Variants in ATP8B1 observed in about 807,000 individuals in gnomAD.
ATP8B1 encodes the protein phospholipid-transporting ATPase IC.
A neutral mutation model predicts 149.9 loss-of-function variants in ATP8B1; 80 were observed. The ratio of observed to expected loss-of-function variants is 0.53; its 90% CI spans 0.45 to 0.64. The LOEUF (loss-of-function observed/expected upper bound fraction) is 0.64. Ranked by LOEUF, ATP8B1 falls within the 30% of genes least tolerant of loss-of-function variation. The pLI, the probability that ATP8B1 is intolerant of heterozygous loss-of-function variation, is 0.00. For synonymous variants in ATP8B1, 536 were observed against 562.8 expected (o/e 0.95, Z 0.67); for missense variants, 1,247 against 1,552.6 (o/e 0.80, Z 3.31).
intron 1 of ATP8B1, among the ~76,000 whole-genome samples, chr18:57,759,015 G>T (rs1220801168): frequency 6.6e-6 from 1 of 151,784 alleles, no homozygotes; most frequent in Non-Finnish European, 1.5e-5. Context: ...AATTATCCGG[G>T]CGTGGTGGCA....
chr18:57,713,459 G>C (rs1913835105), intron 2 of ATP8B1, among the ~76,000 whole-genome samples: 2 of 145,938 alleles, frequency 1.4e-5, no homozygotes, highest in Admixed American at 1.4e-4. Context: ...ACCATGCCCA[G>C]CTAATTTTTA....
At chr18:57,688,084 T>C (rs752524329) in intron 13 of ATP8B1, among the ~76,000 whole-genome samples, 1 of 152,072 alleles carries the variant, frequency 6.6e-6, no homozygotes, top group Admixed American at 6.6e-5. Context: ...CGCCTGGCTG[T>C]GAGCCCACTT....
rs200178535 is a variant in ATP8B1, at chr18:57,669,312, A to G, written c.2097+6T>C. On this transcript the variant is annotated splice_donor_region_variant and intron_variant, in intron 18 of 27. Transcript: ENST00000648908. Reference sequence around the variant, plus strand: ...CAAAGAAAAAGTTATTAAGGCTAAAACTCACAATTAAGTCTTTTTCAATCT... The same window carrying G: ...CAAAGAAAAAGTTATTAAGGCTAAAGCTCACAATTAAGTCTTTTTCAATCT... 1.3e-6 allele frequency: 2 copies of G among 1,594,676 alleles called. No homozygotes were observed. The highest frequency in any genetic ancestry group is 4.5e-5 in the East Asian group (2 of 44,664).
chr18:57,801,446 C>A (rs2080573373), intron 1 of ATP8B1, among the ~76,000 whole-genome samples: 1 of 152,224 alleles, frequency 6.6e-6, no homozygotes, highest in South Asian at 2.1e-4. Flanking sequence ...TGTGCACAGT[C>A]TGCGCATTTA....
rs2122526629 is a variant in ATP8B1, at chr18:57,648,665, T to A, written c.3579A>T (p.Arg1193=). ...CGCCCCGGCGGAACACCTGCTGCCG[T>A]CGCTGCCACTGCTCCTCCGCCTTCA... ...KRLKAEEQWQ[R]RQQVFRRGVS... is the part of the protein sequence containing the mutation. Residue 1193 remains arginine, a synonymous_variant, in exon 28 of 28, where the codon CGA becomes CGT. Transcript: ENST00000648908. The A allele has an allele frequency of 6.4e-7, 1 of 1,573,724 alleles. No homozygotes were observed. Among genetic ancestry groups the A allele is most frequent in the Admixed American group, 1.9e-5 (1 of 53,624 alleles).
chr18:57,708,233 T>G (rs963458618), intron 2 of ATP8B1, among the ~76,000 whole-genome samples: 1 of 152,026 alleles, frequency 6.6e-6, no homozygotes, highest in South Asian at 2.1e-4. Context: ...ATTGCTTTTT[T>G]AAAGCCACAA....
intron 2 of ATP8B1, among the ~76,000 whole-genome samples, chr18:57,711,708 C>A (rs1445476360): frequency 6.6e-6 from 1 of 152,168 alleles, no homozygotes; most frequent in Non-Finnish European, 1.5e-5. Context: ...ATCCTCCCAC[C>A]TCAACTTCTG....
At chr18:57,740,333 G>C (rs1375679835) in intron 1 of ATP8B1, among the ~76,000 whole-genome samples, 1 of 151,394 alleles carries the variant, frequency 6.6e-6, no homozygotes, top group Non-Finnish European at 1.5e-5. Flanking sequence ...TCCTCATTTT[G>C]TTTATTATTA....
intron 15 of ATP8B1, among the ~76,000 whole-genome samples, chr18:57,675,280 C>T (rs549444227): frequency 6.6e-6 from 1 of 152,166 alleles, no homozygotes; most frequent in African/African-American, 2.4e-5. Flanking sequence ...ATCCCACCAT[C>T]CACAGGAGAA....
At chr18:57,771,577 T>C (rs373469062) in intron 1 of ATP8B1, among the ~76,000 whole-genome samples, 38 of 151,926 alleles carry the variant, frequency 2.5e-4, no homozygotes, top group East Asian at 2.3e-3. Flanking sequence ...AAAGGCAGAG[T>C]TTTCTGTTAA....
chr18:57,664,523 G>GAAAAAAAAAAAAAAAA (rs1910739684), intron 20 of ATP8B1, among the ~76,000 whole-genome samples: 1 of 138,754 alleles, frequency 7.2e-6, no homozygotes, highest in African/African-American at 2.6e-5. Context: ...AAAAAAAAAG[G>GAAAAAAAAAAAAAAAA]AAAGGCAATC....
At chr18:57,670,061 T>A (rs1911132535) in intron 17 of ATP8B1, among the ~76,000 whole-genome samples, 1 of 152,152 alleles carries the variant, frequency 6.6e-6, no homozygotes, top group Admixed American at 6.5e-5. Context: ...ACCTTTCTCA[T>A]TTTCTCATTT....
At chr18:57,652,429 A>C (rs1909682990) in intron 25 of ATP8B1, 55 bp downstream of exon 25, 4 of 1,610,738 alleles carry the variant, frequency 2.5e-6, no homozygotes, top group Non-Finnish European at 2.5e-6. Context: ...CCCTATATAC[A>C]GAAATATAAG....
chr18:57,790,560 G>A (rs1456014787), intron 1 of ATP8B1, among the ~76,000 whole-genome samples: 1 of 152,040 alleles, frequency 6.6e-6, no homozygotes, highest in Non-Finnish European at 1.5e-5. Flanking sequence ...CTTTGCACAT[G>A]CGGTTCCCAT....
Position 57,802,488 on chromosome 18 carries a change from C to T in ATP8B1, c.-26+510G>A, listed in dbSNP as rs765866741. 9.9e-5 allele frequency among the ~76,000 whole-genome samples: 15 copies of T among 152,220 alleles called. No individual in the cohort carries two copies. Among genetic ancestry groups the T allele is most frequent in the Non-Finnish European group, 1.9e-4 (13 of 68,050 alleles). ...GGAGAGCGATCTCACCCCCTCCATC[C>T]CTCCCGGCAGGTGGGCCGCGGTCAG... On this transcript the variant is annotated intron_variant, in intron 1 of 27. Transcript: ENST00000648908. The surrounding 1 kb of genome is among the most constrained non-coding windows in gnomAD (Gnocchi z 4.9).
At chr18:57,674,130 C>T (rs970416864) in intron 16 of ATP8B1, among the ~76,000 whole-genome samples, 1 of 151,350 alleles carries the variant, frequency 6.6e-6, no homozygotes, top group African/African-American at 2.4e-5. Context: ...GCTGTAATCC[C>T]AGCTACTCAG....
At chr18:57,732,311 GTGTA>G (rs1248210828) in intron 1 of ATP8B1, among the ~76,000 whole-genome samples, 51 of 3,118 alleles carry the variant, frequency 0.016, 2 homozygotes, top group Non-Finnish European at 0.043. Flanking sequence ...GTATATATGT[GTGTA>G]TATATGTGTA....
intron 3 of ATP8B1, among the ~76,000 whole-genome samples, chr18:57,706,267 G>GA (rs1256465321): frequency 7.9e-5 from 12 of 152,090 alleles, no homozygotes; most frequent in Non-Finnish European, 1.3e-4. Context: ...AAAAGAGAGA[G>GA]AAAATTTCAA....
chr18:57,655,284 C>CATCCTT lies in ATP8B1; in HGVS notation c.2835_2840dup (p.Ile945_Arg946dup), dbSNP rs1177128986. ...AAAAGAAGTATCGTAGGAACTTGCA[C>CATCCTT]ATCCTTATGTAAGACCATCGGCCAT... On this transcript the variant is annotated inframe_insertion, in exon 23 of 28. Transcript: ENST00000648908. The CATCCTT allele has an allele frequency of 4.3e-6, 7 of 1,614,080 alleles. No homozygotes were observed. Among genetic ancestry groups the CATCCTT allele is most frequent in the Non-Finnish European group, 5.1e-6 (6 of 1,180,020 alleles).
Sources: gnomAD v4.1 joint callset for allele counts (sites outside exome capture counted in the v4.1 genomes callset) on GRCh38, gnomAD v4.1.1 for gene constraint, Gnocchi (gnomAD v3.1) non-coding constraint, MANE v1.5 for transcripts, NCBI Gene and HGNC (gene_info 2026-07-23, HGNC 2026-07-21) for gene names.